The following AGMO variants were observed in gnomAD, a reference collection of about 807,000 sequenced individuals.
AGMO encodes the protein glyceryl-ether monooxygenase.
AGMO carries 75 observed loss-of-function variants against 60.2 expected under a neutral mutation model. The ratio of observed to expected loss-of-function variants is 1.25; its 90% confidence interval spans 1.03 to 1.51. The LOEUF (loss-of-function observed/expected upper bound fraction) is 1.51. Among genes scored for constraint, AGMO ranks in the 40% most tolerant of loss-of-function variants. The pLI, the probability that AGMO is intolerant of heterozygous loss-of-function variation, is 0.00. For missense variants in AGMO, 763 were observed against 525.5 expected (o/e 1.45, Z -4.42); for synonymous variants, 261 against 177.1 (o/e 1.47, Z -3.76).
At chr7:15,212,247 TACACACACACACACAC>T (rs57236152) in intron 12 of AGMO, among the ~76,000 whole-genome samples, 41 of 146,382 alleles carry the variant, frequency 2.8e-4, no homozygotes, top group South Asian at 4.3e-4. Flanking sequence ...AGGTGTGGAG[TACACACACACACACAC>T]ACACACACAC....
At chr7:15,342,650 TGC>T (rs1241411692) in intron 12 of AGMO, among the ~76,000 whole-genome samples, 1 of 151,862 alleles carries the variant, frequency 6.6e-6, no homozygotes, top group African/African-American at 2.4e-5. Context: ...CTCCTGATTT[TGC>T]GCGCGTGTGT....
At chr7:15,390,953 T>C in intron 6 of AGMO, 48 bp from the exon 7 acceptor site, 1 of 1,149,344 alleles carries the variant, frequency 8.7e-7, no homozygotes. Context: ...ATAGTTATGC[T>C]TTTTGAGATA....
intron 12 of AGMO, among the ~76,000 whole-genome samples, chr7:15,336,138 A>C (rs1055453613): frequency 3.3e-4 from 50 of 152,246 alleles, no homozygotes; most frequent in African/African-American, 1.2e-3. Context: ...ACCTGCAAAC[A>C]AAATAACACA....
At chr7:15,219,958 T>C (rs114582960) in intron 12 of AGMO, among the ~76,000 whole-genome samples, 2,297 of 152,246 alleles carry the variant, frequency 0.015, 50 homozygotes, top group African/African-American at 0.052. Context: ...TTTCCTGTTG[T>C]ACAGCTCCCT....
chr7:15,287,724 A>G (rs1352942810), intron 12 of AGMO, among the ~76,000 whole-genome samples: 1 of 152,168 alleles, frequency 6.6e-6, no homozygotes, highest in Non-Finnish European at 1.5e-5. Context: ...AATTTCACTG[A>G]TTTATCAAAT....
the AGMO span, among the ~76,000 whole-genome samples, chr7:15,173,232 T>G: frequency 6.6e-6 from 1 of 152,028 alleles, no homozygotes. Flanking sequence ...TGAAGTAAAT[T>G]TATTCACTTG....
At chr7:15,187,288 T>G in the AGMO span, among the ~76,000 whole-genome samples, 1 of 152,190 alleles carries the variant, frequency 6.6e-6, no homozygotes, top group African/African-American at 2.4e-5. Flanking sequence ...TTTCAAATAA[T>G]TTTCATTAAG....
chr7:15,351,182 C>CAATTTTA (rs1782230981), intron 12 of AGMO, among the ~76,000 whole-genome samples: 1 of 151,954 alleles, frequency 6.6e-6, no homozygotes, highest in Non-Finnish European at 1.5e-5. Context: ...AATTCATGGG[C>CAATTTTA]AAATGTCTGC....
intron 12 of AGMO, among the ~76,000 whole-genome samples, chr7:15,278,181 A>C (rs1168893060): frequency 5.3e-5 from 8 of 152,254 alleles, no homozygotes; most frequent in Non-Finnish European, 1.0e-4. Context: ...AGTCCAATAC[A>C]GACAGCTTTG....
chr7:15,413,439 C>T (rs977363662), intron 5 of AGMO, among the ~76,000 whole-genome samples: 1 of 152,002 alleles, frequency 6.6e-6, no homozygotes, highest in African/African-American at 2.4e-5. Flanking sequence ...TGACCAGGAC[C>T]CCTTAACTCC....
intron 3 of AGMO, among the ~76,000 whole-genome samples, chr7:15,479,170 T>C (rs548948298): frequency 1.3e-5 from 2 of 152,270 alleles, no homozygotes; most frequent in Admixed American, 1.3e-4. Context: ...TTAAATATGA[T>C]ATAATTCGTG....
intron 3 of AGMO, among the ~76,000 whole-genome samples, chr7:15,493,361 AC>A (rs1783123477): frequency 2.8e-5 from 2 of 70,618 alleles, no homozygotes; most frequent in Non-Finnish European, 5.2e-5. Context: ...ACACACACAC[AC>A]TTCTTTTTTT....
chr7:15,248,198 A>ATG (rs1563053792), intron 12 of AGMO, among the ~76,000 whole-genome samples: 5 of 83,398 alleles, frequency 6.0e-5, no homozygotes, highest in Admixed American at 1.2e-4. Context: ...ATATATATAT[A>ATG]TATATATATA....
chr7:15,226,425 A>G (rs974299803), intron 12 of AGMO, among the ~76,000 whole-genome samples: 1 of 152,122 alleles, frequency 6.6e-6, no homozygotes, highest in African/African-American at 2.4e-5. Flanking sequence ...TGAAAAGGAC[A>G]TTCTGTGTTG....
At chr7:15,547,038 T>C (rs1030074297) in intron 2 of AGMO, among the ~76,000 whole-genome samples, 1 of 152,220 alleles carries the variant, frequency 6.6e-6, no homozygotes. Context: ...TACTTCAATA[T>C]AACAATTTCT....
intron 5 of AGMO, among the ~76,000 whole-genome samples, chr7:15,409,236 A>C (rs924508068): frequency 2.6e-5 from 4 of 151,976 alleles, no homozygotes; most frequent in African/African-American, 9.7e-5. Context: ...AAGTATGCAC[A>C]ATTATTTGGT....
chr7:15,482,403 T>C (rs1426624935), intron 3 of AGMO, among the ~76,000 whole-genome samples: 7 of 152,136 alleles, frequency 4.6e-5, no homozygotes, highest in Admixed American at 4.6e-4. Flanking sequence ...TTGAAAACTT[T>C]AGTAAATTGG....
chr7:15,341,992 G>A (rs911223403), intron 12 of AGMO, among the ~76,000 whole-genome samples: 3 of 151,846 alleles, frequency 2.0e-5, no homozygotes, highest in African/African-American at 7.2e-5. Flanking sequence ...TACAATTCAA[G>A]ATGAGATTTG....
chr7:15,313,319 C>T (rs1180365851), intron 12 of AGMO, among the ~76,000 whole-genome samples: 1 of 152,168 alleles, frequency 6.6e-6, no homozygotes, highest in Non-Finnish European at 1.5e-5. Flanking sequence ...ATCCATAGTC[C>T]TGTCAGGGAG....
Sources: allele counts gnomAD v4.1 joint callset (sites outside exome capture counted in the v4.1 genomes callset), GRCh38; gene constraint gnomAD v4.1.1; transcripts MANE v1.5; gene names NCBI Gene and HGNC (gene_info 2026-07-23, HGNC 2026-07-21).